VPS45: variants seen among roughly 807,000 people sequenced by gnomAD.
The protein encoded by VPS45 is vacuolar protein sorting-associated protein 45.
Under a neutral mutation model 75.9 loss-of-function variants are expected in VPS45, and 35 were observed. That is an observed-to-expected ratio of 0.46 (90% CI 0.35 to 0.61). The LOEUF (loss-of-function observed/expected upper bound fraction) is 0.61. Among genes scored for constraint, VPS45 ranks in the 20% least tolerant of loss-of-function variants. The probability of loss-of-function intolerance (pLI) is 0.00; values close to 1 mark genes in which losing one functional copy is unlikely to be tolerated. For missense variants in VPS45, 559 were observed against 685.9 expected, an observed-to-expected ratio of 0.81 and a Z score of 2.07; for synonymous variants, 220 against 238.2, an observed-to-expected ratio of 0.92 and a Z score of 0.70.
chr1:150,082,098 T>G, intron 9 of VPS45, 101 bp downstream of exon 9: 1 of 712,412 alleles, frequency 1.4e-6, no homozygotes, highest in Non-Finnish European at 2.3e-6. Flanking sequence ...CTACCTTGAT[T>G]GATTTTATTT....
intron 14 of VPS45, among the ~76,000 whole-genome samples, chr1:150,140,188 G>A (rs1659310107): frequency 6.6e-6 from 1 of 152,178 alleles, no homozygotes; most frequent in Admixed American, 6.5e-5. Flanking sequence ...ACAGGCGTGA[G>A]CCACCGCACC....
chr1:150,110,070 A>G (rs1657560055), intron 13 of VPS45: 1 of 153,642 alleles, frequency 6.5e-6, no homozygotes, highest in Admixed American at 6.5e-5. Context: ...GGCCATTGTA[A>G]TAGCACTGTA....
intron 2 of VPS45, among the ~76,000 whole-genome samples, chr1:150,069,760 T>C (rs1413441697): frequency 6.6e-6 from 1 of 152,134 alleles, no homozygotes; most frequent in African/African-American, 2.4e-5. Flanking sequence ...CCGGCTGTTA[T>C]ACTTTCTTGA....
intron 13 of VPS45, among the ~76,000 whole-genome samples, chr1:150,107,766 T>C (rs1553806108): frequency 6.6e-6 from 1 of 152,170 alleles, no homozygotes; most frequent in African/African-American, 2.4e-5. Flanking sequence ...TCTGGCATGG[T>C]GGCGCACGCC....
chr1:150,144,774 C>A lies in VPS45; in HGVS notation c.1691C>A (p.Ser564Ter), dbSNP rs1451589175. 1 of 1,614,036 alleles carries A rather than the reference C, an allele frequency of 6.2e-7. No homozygotes were observed. Among genetic ancestry groups the A allele is most frequent in the Non-Finnish European group, 8.5e-7 (1 of 1,180,028 alleles). ...SRSKESSQVT[S>*]RSASRR Reference sequence around the variant, plus strand: ...AGCAAGGAGAGCTCTCAAGTCACATCAAGGTCAGCGAGCAGAAGATGAAAC... The same window carrying A: ...AGCAAGGAGAGCTCTCAAGTCACATAAAGGTCAGCGAGCAGAAGATGAAAC... The change falls in exon 15 of 15, where the codon TCA (serine) becomes TAA (stop). Residue 564 changes from serine (S) to a stop codon, truncating the protein, a stop_gained. Coordinates refer to ENST00000644510, the MANE Select transcript of VPS45 (RefSeq NM_007259.5). LOFTEE classifies it high-confidence loss of function.
chr1:150,082,630 C>T, intron 9 of VPS45, 86 bp from the exon 10 acceptor site: 1 of 1,496,460 alleles, frequency 6.7e-7, no homozygotes, highest in Non-Finnish European at 9.0e-7. Context: ...AAAAACAACC[C>T]CCGCTTTCCC....
chr1:150,110,356 T>C, intron 13 of VPS45, 140 bp from the exon 14 acceptor site: 1 of 830,654 alleles, frequency 1.2e-6, no homozygotes, highest in Non-Finnish European at 1.7e-6. Flanking sequence ...GAAACTTTTT[T>C]TAAACCTTTT....
At chr1:150,080,225 A>G (rs1467773874) in intron 7 of VPS45, among the ~76,000 whole-genome samples, 9 of 150,926 alleles carry the variant, frequency 6.0e-5, no homozygotes, top group African/African-American at 2.2e-4. Context: ...GGCTCACTAC[A>G]ACCTCCGCCT....
chr1:150,068,020 T>C lies in VPS45; in HGVS notation c.93+70T>C, dbSNP rs1275596882. ...CTTACAATTGCTCGTCCCATTCCAC[T>C]GTAGGACTTAGCATTTAATTAAACA... On this transcript the variant is annotated intron_variant, in intron 1 of 14. Transcript: ENST00000644510. The C allele has an allele frequency of 6.3e-6, 9 of 1,437,982 alleles. No homozygotes were observed. In the African/African-American group the frequency reaches 1.3e-4, roughly 20 times the overall value. The allele number at this position is 1,437,982 out of a possible 1,614,324, so 89.1% of individuals were successfully genotyped here.
intron 14 of VPS45, among the ~76,000 whole-genome samples, chr1:150,111,683 T>C (rs1252550716): frequency 6.6e-6 from 1 of 152,200 alleles, no homozygotes; most frequent in East Asian, 1.9e-4. Context: ...TACTTTTTAA[T>C]TTTGTATGAT....
rs1553798272 is a variant in VPS45, at chr1:150,077,124, A to G, written c.469A>G (p.Arg157Gly). 5.6e-6 allele frequency: 9 copies of G among 1,614,050 alleles called. No homozygotes were observed. Among genetic ancestry groups the G allele is most frequent in the African/African-American group, 4.0e-5 (3 of 74,940 alleles). ...GRNWDPAQLS[R>G]TTQGLTALLL... ...AAATTGGGATCCAGCCCAGCTATCT[A>G]GAACAACTCAAGGGCTTACAGCTCT... Residue 157 changes from arginine (R) to glycine (G), a missense_variant, in exon 6 of 15, where the codon AGA becomes GGA. Physicochemically the swap from Arg to Gly is moderately radical, Grantham distance 125. Transcript: ENST00000644510.
chr1:150,101,134 G>T (rs1164417300), intron 13 of VPS45, among the ~76,000 whole-genome samples: 1 of 152,026 alleles, frequency 6.6e-6, no homozygotes, highest in Non-Finnish European at 1.5e-5. Flanking sequence ...GCCACGAGTG[G>T]TGGCTGGCAC....
At chr1:150,102,042 G>C (rs1287221578) in intron 13 of VPS45, among the ~76,000 whole-genome samples, 2 of 150,080 alleles carry the variant, frequency 1.3e-5, no homozygotes, top group Non-Finnish European at 3.0e-5. Flanking sequence ...TTCGAGACCA[G>C]CCTGGCCAAC....
chr1:150,114,193 C>T (rs587716336), intron 14 of VPS45, among the ~76,000 whole-genome samples: 152,170 of 152,222 alleles, frequency 1, 76,059 homozygotes, highest in Middle Eastern at 1. Context: ...CTAAAGAACA[C>T]TCTTGCCTGA....
At chr1:150,131,086 A>G (rs1553812259) in intron 14 of VPS45, among the ~76,000 whole-genome samples, 3 of 152,168 alleles carry the variant, frequency 2.0e-5, no homozygotes, top group African/African-American at 7.2e-5. Flanking sequence ...CGTTTTTAAG[A>G]TGCAAAATTA....
intron 13 of VPS45, among the ~76,000 whole-genome samples, chr1:150,103,053 C>CTA (rs1301754175): frequency 6.3e-4 from 9 of 14,292 alleles, no homozygotes; most frequent in East Asian, 1.8e-3. Flanking sequence ...TCCAGATATC[C>CTA]TATATATTTT....
chr1:150,108,619 A>G (rs1227687068), intron 13 of VPS45, among the ~76,000 whole-genome samples: 1 of 152,170 alleles, frequency 6.6e-6, no homozygotes, highest in African/African-American at 2.4e-5. Context: ...ATCAAATATG[A>G]AATTTTCTGG....
chr1:150,101,015 CT>C (rs1435397668), intron 13 of VPS45, among the ~76,000 whole-genome samples: 2 of 152,056 alleles, frequency 1.3e-5, no homozygotes, highest in African/African-American at 4.8e-5. Context: ...GAAAAACAAC[CT>C]CATTAAAATG....
At chr1:150,111,577 C>T (rs1272822496) in intron 14 of VPS45, among the ~76,000 whole-genome samples, 3 of 152,018 alleles carry the variant, frequency 2.0e-5, no homozygotes, top group South Asian at 2.1e-4. Context: ...ACTGGAGAAC[C>T]GTGACATGAT....
Sources: gnomAD v4.1 joint callset for allele counts (sites outside exome capture counted in the v4.1 genomes callset) on GRCh38, gnomAD v4.1.1 for gene constraint, MANE v1.5 for transcripts, NCBI Gene and HGNC (gene_info 2026-07-23, HGNC 2026-07-21) for gene names.